MCM8: variants seen among roughly 807,000 people sequenced by gnomAD.
MCM8 encodes the protein minichromosome maintenance 8 homologous recombination repair factor.
A neutral mutation model predicts 98.9 loss-of-function variants in MCM8; 85 were observed. The observed-to-expected ratio is 0.86, with a 90% CI of 0.72 to 1.03. The LOEUF is 1.03. Ranked by LOEUF, MCM8 falls within the 50% of genes least tolerant of loss-of-function variation. The pLI, the probability that MCM8 is intolerant of heterozygous loss-of-function variation, is 0.00. For missense variants in MCM8, 951 were observed against 997.8 expected (o/e 0.95, Z 0.63); for synonymous variants, 352 against 338.6 (o/e 1.04, Z -0.44).
chr20:5,955,653 C>A (rs544882289), intron 5 of MCM8, among the ~76,000 whole-genome samples: 1 of 152,244 alleles, frequency 6.6e-6, no homozygotes, highest in African/African-American at 2.4e-5. Flanking sequence ...ATGAAGCAAA[C>A]CACTGAGTGT....
At chr20:5,967,622 A>G (rs199891606) in intron 9 of MCM8, 35 bp downstream of exon 9, 144 of 1,577,010 alleles carry the variant, frequency 9.1e-5, no homozygotes, top group Non-Finnish European at 1.1e-4. Context: ...TTGTCTCTCA[A>G]TAATGATTCA....
chr20:5,971,919 T>C, intron 10 of MCM8, 88 bp from the exon 11 acceptor site: 1 of 1,075,884 alleles, frequency 9.3e-7, no homozygotes, highest in Non-Finnish European at 1.4e-6. Context: ...TTGTTGATAT[T>C]AAGCAGGTTA....
At position 5,967,429 on chromosome 20, in the gene MCM8, T is replaced by A; in HGVS notation, c.876-7T>A. 6.2e-7 allele frequency: 1 copy of A among 1,611,524 alleles called. No homozygotes were observed. The highest frequency in any genetic ancestry group is 8.5e-7 in the Non-Finnish European group (1 of 1,178,364). On this transcript the variant is annotated splice_region_variant and splice_polypyrimidine_tract_variant and intron_variant, in intron 8 of 18. Coordinates refer to ENST00000610722, the MANE Select transcript of MCM8 (RefSeq NM_032485.6). The stretch of plus-strand genomic sequence containing the variant: ...TATTCTAACTGAAAACTATTTAAAC[T>A]TTTTAGAATCCAGGAATTGATGTCT...
chr20:5,973,103 A>C lies in MCM8; in HGVS notation c.1302A>C (p.Lys434Asn). 6.2e-7 allele frequency: 1 copy of C among 1,614,244 alleles called. No homozygotes were observed. Among genetic ancestry groups the C allele is most frequent in the Non-Finnish European group, 8.5e-7 (1 of 1,180,028 alleles). ...LALALFGGSQ[K>N]YADDKNRIPI... ...TAGCACTCTTTGGAGGAAGCCAGAA[A>C]TACGCAGATGACAAAAACAGAATTC... The change falls in exon 12 of 19, where the codon AAA becomes AAC. Residue 434 changes from lysine (K) to asparagine (N), a missense_variant. Lys to Asn is a moderately conservative substitution (Grantham distance 94). Coordinates refer to ENST00000610722, the MANE Select transcript of MCM8 (RefSeq NM_032485.6).
intron 8 of MCM8, among the ~76,000 whole-genome samples, chr20:5,966,961 C>T (rs1387558795): frequency 1.3e-5 from 2 of 152,160 alleles, no homozygotes; most frequent in African/African-American, 2.4e-5. Flanking sequence ...ACTTGTCTTT[C>T]GGTTGATTAC....
intron 13 of MCM8, among the ~76,000 whole-genome samples, chr20:5,979,015 G>A (rs2089575528): frequency 6.6e-6 from 1 of 152,158 alleles, no homozygotes; most frequent in Non-Finnish European, 1.5e-5. Flanking sequence ...TCTTTGTGAT[G>A]CCTTCACCTT....
At position 5,998,491 on chromosome 20, in the gene MCM8, G is replaced by A. The variant is rs1195843030; in HGVS notation, c.*4100G>A. The A allele has an allele frequency of 6.6e-6, 1 of 152,368 alleles. No homozygotes were observed. The highest frequency in any genetic ancestry group is 1.5e-5 in the Non-Finnish European group (1 of 68,060). 9.4% of individuals were successfully genotyped at this position (152,368 alleles called of 1,614,324 possible). ...GTCAGTTGTTGAGGCAAGTGGCGTG[G>A]TGGATGCAACCCTGATTCTTCACCT... On this transcript the variant is annotated 3_prime_UTR_variant, in exon 19 of 19. Transcript: ENST00000610722.
intron 9 of MCM8, 100 bp downstream of exon 9, chr20:5,967,687 C>G: frequency 7.0e-7 from 1 of 1,419,212 alleles, no homozygotes; most frequent in Non-Finnish European, 9.6e-7. Flanking sequence ...TGAGGAATTT[C>G]TTGTTGCTTA....
At chr20:5,965,651 A>G (rs1371500574) in intron 8 of MCM8, 3 of 152,202 alleles carry the variant, frequency 2.0e-5, no homozygotes, top group Admixed American at 2.0e-4. Context: ...GCATCAAATT[A>G]TCTTTTCTTA....
In MCM8 at chr20:5,994,483, ACACACACACAC is replaced by A. The variant is rs1303324621; in HGVS notation, c.*93_*103del. The stretch of plus-strand genomic sequence containing the variant: ...CGTGCACGCACAGACAGACAGACAC[ACACACACACAC>A]ACACACACACACACACACACACACA... On this transcript the variant is annotated 3_prime_UTR_variant, in exon 19 of 19. Coordinates refer to ENST00000610722, the MANE Select transcript of MCM8 (RefSeq NM_032485.6). The A allele has an allele frequency of 8.4e-5, 36 of 428,116 alleles. No homozygotes were observed. The highest frequency in any genetic ancestry group is 6.3e-4 in the African/African-American group (21 of 33,296). 26.5% of individuals were successfully genotyped at this position (428,116 alleles called of 1,614,324 possible).
intron 13 of MCM8, among the ~76,000 whole-genome samples, chr20:5,978,222 C>T (rs2089554529): frequency 6.6e-6 from 1 of 152,202 alleles, no homozygotes. Flanking sequence ...TAATGTCATT[C>T]ATTTTCAGAA....
intron 12 of MCM8, 36 bp downstream of exon 12, chr20:5,973,232 T>A (rs1418455503): frequency 6.2e-7 from 1 of 1,606,782 alleles, no homozygotes; most frequent in Admixed American, 1.7e-5. Context: ...GTTCTTTTGC[T>A]TGTAAAATGC....
At position 5,985,931 on chromosome 20, in the gene MCM8, G is replaced by A; in HGVS notation, c.1963G>A (p.Gly655Arg). 6.2e-7 allele frequency: 1 copy of A among 1,614,122 alleles called. No individual in the cohort carries two copies. The highest frequency in any genetic ancestry group is 8.5e-7 in the Non-Finnish European group (1 of 1,179,970). ...TTTAATCATGCTTCAGGTGGTTCCTGGAGAAACAATAGATCCCATTCCCCA... is the reference window on the plus strand; with the variant it reads ...TTTAATCATGCTTCAGGTGGTTCCTAGAGAAACAATAGATCCCATTCCCCA... ...PLSERLKVVP[G>R]ETIDPIPHQL... is the part of the protein sequence containing the mutation. Residue 655 changes from glycine (G) to arginine (R), a missense_variant, in exon 16 of 19, where the codon GGA (glycine) becomes AGA (arginine). Physicochemically the swap from Gly to Arg is moderately radical, Grantham distance 125 (BLOSUM62 -2). Transcript: ENST00000610722.
intron 7 of MCM8, among the ~76,000 whole-genome samples, chr20:5,962,352 CT>C (rs926577182): frequency 3.0e-4 from 12 of 40,570 alleles, no homozygotes; most frequent in African/African-American, 1.2e-3. Flanking sequence ...GCCTTCATTT[CT>C]TTTTTTTTTT....
rs11422423 is a variant in MCM8, at chr20:5,994,734, TAA to T, written c.*360_*361del. Reference sequence around the variant, plus strand: ...GGCAACATAGCAAGACCCCATTTCTTAAAAAAAAAAAAAAAAAATTTAAACTT... The same window carrying T: ...GGCAACATAGCAAGACCCCATTTCTTAAAAAAAAAAAAAAAATTTAAACTT... On this transcript the variant is annotated 3_prime_UTR_variant, in exon 19 of 19. Transcript: ENST00000610722. The T allele has an allele frequency of 1.4e-3, 562 of 407,244 alleles. No homozygotes were observed. Among genetic ancestry groups the T allele is most frequent in the South Asian group, 2.0e-3 (117 of 57,928 alleles). 25.2% of individuals were successfully genotyped at this position (407,244 alleles called of 1,614,324 possible). A position where few individuals can be genotyped will look rare whatever the true frequency, so the allele number is the denominator to read the frequency against.
rs959239824 is a variant in MCM8 at position 5,997,255 on chromosome 20, G to A, written c.*2864G>A. On this transcript the variant is annotated 3_prime_UTR_variant, in exon 19 of 19. Coordinates refer to ENST00000610722, the MANE Select transcript of MCM8 (RefSeq NM_032485.6). ...GCTGGAGTACAGTGGCGCGATCTTG[G>A]TTCACCGCAACCTCCGCCTCCTGGG... The A allele has an allele frequency of 6.7e-6, 1 of 149,546 alleles. No homozygotes were observed. Among genetic ancestry groups the A allele is most frequent in the Non-Finnish European group, 1.5e-5 (1 of 68,016 alleles). 9.3% of individuals were successfully genotyped at this position (149,546 alleles called of 1,614,324 possible). A position where few individuals can be genotyped will look rare whatever the true frequency, so the allele number is the denominator to read the frequency against.
At position 5,998,146 on chromosome 20, in the gene MCM8, A is replaced by G. The variant is rs897652686; in HGVS notation, c.*3755A>G. On this transcript the variant is annotated 3_prime_UTR_variant, in exon 19 of 19. Transcript: ENST00000610722. ...TGTTTATGAATGCATTGAATTCATA[A>G]ACAATGGTATGGATATTGACTAGCC... 6.6e-6 allele frequency: 1 copy of G among 152,210 alleles called. No homozygotes were observed. The highest frequency in any genetic ancestry group is 2.4e-5 in the African/African-American group (1 of 41,436). 9.4% of individuals were successfully genotyped at this position (152,210 alleles called of 1,614,324 possible).
rs754081096 is a variant in MCM8, at chr20:5,977,898, G to A, written c.1418G>A (p.Arg473His). 1.9e-5 allele frequency: 30 copies of A among 1,613,918 alleles called. No individual in the cohort carries two copies. The highest frequency in any genetic ancestry group is 3.3e-5 in the South Asian group (3 of 91,066). ...TAGGCAGCGTGCAATGTTGCCCCAC[G>A]TGGCGTGTATGTTTGTGGTAACACC... The part of the protein sequence containing the change: ...MLQAACNVAP[R>H]GVYVCGNTTT... The change falls in exon 13 of 19, where the codon CGT becomes CAT. Residue 473 changes from arginine (R) to histidine (H), a missense_variant. Physicochemically the swap from Arg to His is conservative, Grantham distance 29 (BLOSUM62 0). Transcript: ENST00000610722.
chr20:5,983,033 T>C lies in MCM8; in HGVS notation c.1601T>C (p.Met534Thr). The change falls in exon 14 of 19, where the codon ATG becomes ACG. Residue 534 changes from methionine (M) to threonine (T), a missense_variant. Physicochemically the swap from Met to Thr is moderately conservative, Grantham distance 81. Transcript: ENST00000610722. ...GNQHQALLEA[M>T]EQQSISLAKA... ...CAACATCAAGCCTTGTTGGAAGCCA[T>C]GGAGCAGCAAAGTATTAGTCTTGCT... 1 of 1,613,982 alleles carries C rather than the reference T, an allele frequency of 6.2e-7. No individual in the cohort carries two copies. The highest frequency in any genetic ancestry group is 8.5e-7 in the Non-Finnish European group (1 of 1,179,982).
Sources: gnomAD v4.1 joint callset for allele counts (sites outside exome capture counted in the v4.1 genomes callset) on GRCh38, gnomAD v4.1.1 for gene constraint, MANE v1.5 for transcripts, NCBI Gene and HGNC (gene_info 2026-07-23, HGNC 2026-07-21) for gene names.